Variants in PCCA observed in about 807,000 individuals in gnomAD.
PCCA encodes propionyl-CoA carboxylase subunit alpha.
A neutral mutation model predicts 101.3 loss-of-function variants in PCCA; 74 were observed. The observed-to-expected ratio is 0.73, with a 90% CI of 0.61 to 0.89. PCCA has a LOEUF of 0.89. Among genes scored for constraint, PCCA ranks in the 40% least tolerant of loss-of-function variants. The probability of loss-of-function intolerance (pLI) is 0.00; values close to 1 mark genes in which losing one functional copy is unlikely to be tolerated. For missense variants in PCCA, 891 were observed against 907.0 expected (o/e 0.98, Z 0.23); for synonymous variants, 294 against 313.6 (o/e 0.94, Z 0.66).
At chr13:100,155,211 C>G in intron 5 of PCCA, 119 bp downstream of exon 5, 1 of 738,578 alleles carries the variant, frequency 1.4e-6, no homozygotes, top group Non-Finnish European at 2.4e-6. Flanking sequence ...GCAGTTAGTT[C>G]ATGTCACATG....
Position 100,199,663 on chromosome 13 carries a change from G to A in PCCA, c.469-9669G>A, listed in dbSNP as rs144663255. The stretch of plus-strand genomic sequence containing the variant: ...TTTTAAGATATAAGCAGACTTTGAT[G>A]CTTACTGCCCATATCTAGTAATTTA... On this transcript the variant is annotated intron_variant, in intron 6 of 23. Coordinates refer to ENST00000376285, the MANE Select transcript of PCCA (RefSeq NM_000282.4). Among the ~76,000 whole-genome samples, 477 of 152,158 alleles carry A rather than the reference G, an allele frequency of 3.1e-3. 2 individuals are homozygous for A. The highest frequency in any genetic ancestry group is 0.011 in the African/African-American group (456 of 41,522).
chr13:100,240,970 G>T (rs74649197), intron 8 of PCCA, among the ~76,000 whole-genome samples: 13,469 of 152,160 alleles, frequency 0.089, 640 homozygotes, highest in African/African-American at 0.1. Flanking sequence ...CCAAGGTGCT[G>T]AACATACTAT....
intron 12 of PCCA, among the ~76,000 whole-genome samples, chr13:100,290,868 C>G (rs1306402851): frequency 6.6e-6 from 1 of 152,174 alleles, no homozygotes; most frequent in Non-Finnish European, 1.5e-5. Flanking sequence ...CTATAAGTAA[C>G]TGACTAAATT....
chr13:100,463,944 T>C (rs1262207551), intron 21 of PCCA, among the ~76,000 whole-genome samples: 4 of 152,210 alleles, frequency 2.6e-5, no homozygotes, highest in Admixed American at 2.0e-4. Context: ...CAGGATCTGT[T>C]GCCACCTGCC....
chr13:100,364,046 T>G (rs886248315), intron 18 of PCCA, among the ~76,000 whole-genome samples: 2 of 152,222 alleles, frequency 1.3e-5, no homozygotes, highest in Non-Finnish European at 2.9e-5. Flanking sequence ...TTTATTTGCT[T>G]TGTGAGTCAC....
chr13:100,158,820 T>A (rs2054136207), intron 6 of PCCA, among the ~76,000 whole-genome samples: 1 of 152,030 alleles, frequency 6.6e-6, no homozygotes, highest in Non-Finnish European at 1.5e-5. Context: ...GCTTTTGTCC[T>A]GTGACAGCAG....
chr13:100,205,311 G>C (rs2058786769), intron 6 of PCCA, among the ~76,000 whole-genome samples: 2 of 152,092 alleles, frequency 1.3e-5, no homozygotes, highest in African/African-American at 4.8e-5. Flanking sequence ...CTCTTATCCT[G>C]ACCTCATCCT....
chr13:100,507,947 C>T (rs1299626932), intron 21 of PCCA, among the ~76,000 whole-genome samples: 1 of 152,146 alleles, frequency 6.6e-6, no homozygotes, highest in Non-Finnish European at 1.5e-5. Context: ...TGAGCCACCG[C>T]ACCCAGCCTA....
intron 21 of PCCA, among the ~76,000 whole-genome samples, chr13:100,491,991 C>T (rs2084938867): frequency 6.6e-6 from 1 of 152,130 alleles, no homozygotes; most frequent in Non-Finnish European, 1.5e-5. Flanking sequence ...GGTCCCATTT[C>T]AGAAGTTTTT....
intron 18 of PCCA, among the ~76,000 whole-genome samples, chr13:100,355,244 A>G (rs2073852707): frequency 6.6e-6 from 1 of 152,182 alleles, no homozygotes; most frequent in Non-Finnish European, 1.5e-5. Flanking sequence ...AAATCTGACA[A>G]AATCCAACAG....
chr13:100,111,915 C>T lies in PCCA; in HGVS notation c.231+27C>T, dbSNP rs533036983. 79 of 1,598,228 alleles carry T rather than the reference C, an allele frequency of 4.9e-5. No homozygotes were observed. In the South Asian group the frequency reaches 8.4e-4, roughly 17 times the overall value. On this transcript the variant is annotated intron_variant, in intron 3 of 23. Coordinates refer to ENST00000376285, the MANE Select transcript of PCCA (RefSeq NM_000282.4). Reference sequence around the variant, plus strand: ...TGAGTAGAATTTTCGTCTTATTTTCCATTTTACTCTGAAATTATTTATTAA... The same window carrying T: ...TGAGTAGAATTTTCGTCTTATTTTCTATTTTACTCTGAAATTATTTATTAA...
chr13:100,102,796 T>C, intron 1 of PCCA, 87 bp from the exon 2 acceptor site: 1 of 868,534 alleles, frequency 1.2e-6, no homozygotes, highest in Non-Finnish European at 2.0e-6. Flanking sequence ...ACACGTTCGC[T>C]AGAACCTAAC....
At chr13:100,296,449 G>A (rs1427669287) in intron 12 of PCCA, among the ~76,000 whole-genome samples, 1 of 149,690 alleles carries the variant, frequency 6.7e-6, no homozygotes, top group Non-Finnish European at 1.5e-5. Context: ...ACAAAGTTTT[G>A]CCATGTTGTC....
chr13:100,285,239 A>G (rs1258197890), intron 12 of PCCA, among the ~76,000 whole-genome samples: 1 of 152,178 alleles, frequency 6.6e-6, no homozygotes, highest in Non-Finnish European at 1.5e-5. Context: ...ACGCTAATCA[A>G]GGACACCCAG....
chr13:100,121,164 T>G (rs1052041605), intron 4 of PCCA, among the ~76,000 whole-genome samples: 16 of 109,516 alleles, frequency 1.5e-4, no homozygotes, highest in Admixed American at 6.8e-4. Flanking sequence ...TTTTTTTTTT[T>G]TTTTTTTTTT....
In PCCA at chr13:100,340,390, A is replaced by G; in HGVS notation, c.1643+131A>G. On this transcript the variant is annotated intron_variant, in intron 18 of 23. Coordinates refer to ENST00000376285, the MANE Select transcript of PCCA (RefSeq NM_000282.4). ...TCTTATGGGTCTTTGGAGAAGTATA[A>G]TAAAGTCACACTGTATAAATATGAT... is the stretch of plus-strand genomic sequence containing the variant. 1.6e-5 allele frequency: 11 copies of G among 694,090 alleles called. No homozygotes were observed. In the South Asian group the frequency reaches 1.7e-4, roughly 11 times the overall value. 43.0% of individuals were successfully genotyped at this position (694,090 alleles called of 1,614,324 possible).
At chr13:100,415,673 A>G (rs935595734) in intron 19 of PCCA, among the ~76,000 whole-genome samples, 1 of 152,198 alleles carries the variant, frequency 6.6e-6, no homozygotes, top group Non-Finnish European at 1.5e-5. Flanking sequence ...CACAATGCTA[A>G]TCTCCTTAAC....
intron 19 of PCCA, among the ~76,000 whole-genome samples, chr13:100,403,771 C>G (rs1745800): frequency 0.13 from 20,163 of 152,028 alleles, 4,367 homozygotes; most frequent in African/African-American, 0.45. Context: ...AGTCCTGCTA[C>G]AGTGCTTCCT....
intron 6 of PCCA, among the ~76,000 whole-genome samples, chr13:100,171,534 A>G (rs1321470955): frequency 6.6e-6 from 1 of 152,180 alleles, no homozygotes; most frequent in African/African-American, 2.4e-5. Context: ...TGTCAAGTCA[A>G]GGACTTTTAC....
Sources: gnomAD v4.1 joint callset for allele counts (sites outside exome capture counted in the v4.1 genomes callset) on GRCh38, gnomAD v4.1.1 for gene constraint, MANE v1.5 for transcripts, NCBI Gene and HGNC (gene_info 2026-07-23, HGNC 2026-07-21) for gene names.